The following FTCD variants were observed in gnomAD, a reference collection of about 807,000 sequenced individuals.
FTCD encodes the protein formimidoyltransferase-cyclodeaminase.
Under a neutral mutation model 62.9 loss-of-function variants are expected in FTCD, and 76 were observed. The observed-to-expected ratio is 1.21, with a 90% CI of 1.00 to 1.46. The LOEUF is 1.46. Among genes scored for constraint, FTCD ranks in the 40% most tolerant of loss-of-function variants. FTCD has a pLI of 0.00. For synonymous variants in FTCD, 397 were observed against 336.9 expected (o/e 1.18, Z -1.95); for missense variants, 845 against 751.3 (o/e 1.12, Z -1.46).
At chr21:46,154,050 C>T in intron 2 of FTCD, 99 bp downstream of exon 2, 1 of 1,300,200 alleles carries the variant, frequency 7.7e-7, no homozygotes, top group South Asian at 1.2e-5. Flanking sequence ...ACGTTCCAAG[C>T]CTGGGCCCCG....
intron 10 of FTCD, among the ~76,000 whole-genome samples, chr21:46,140,938 G>C (rs1489015238): frequency 1.3e-5 from 2 of 152,242 alleles, no homozygotes; most frequent in Admixed American, 6.5e-5. Context: ...GTGGCTCACA[G>C]GGAGCGTAAA....
At chr21:46,146,038 G>A in intron 8 of FTCD, 91 bp from the exon 9 acceptor site, 1 of 813,698 alleles carries the variant, frequency 1.2e-6, no homozygotes, top group African/African-American at 1.7e-5. Context: ...ACGCCCGTCT[G>A]CACCCACGGG....
chr21:46,138,859 C>T (rs745903448), intron 11 of FTCD, 21 bp downstream of exon 11: 34 of 1,600,560 alleles, frequency 2.1e-5, no homozygotes, highest in Admixed American at 6.7e-5. Context: ...GCCCACGGTG[C>T]GGCCGGCCCT....
At chr21:46,136,362 G>C, downstream of FTCD, 1 of 1,415,314 alleles carries the variant, frequency 7.1e-7, no homozygotes, top group South Asian at 1.2e-5. Context: ...AGGAGCCACT[G>C]GTTGAAGGGT....
At position 46,155,558 on chromosome 21, in the gene FTCD, C is replaced by A; in HGVS notation, c.-35G>T. 1 of 1,591,678 alleles carries A rather than the reference C, an allele frequency of 6.3e-7. No homozygotes were observed. On this transcript the variant is annotated 5_prime_UTR_variant, in exon 1 of 14. Coordinates refer to ENST00000397746, the MANE Select transcript of FTCD (RefSeq NM_206965.2). ...CTTGATCCAGATGCTCCTCTCTGGG[C>A]AGATGGAAGGACAGGGCCAGTGCTC... is the stretch of plus-strand genomic sequence containing the variant.
chr21:46,136,595 T>A, downstream of FTCD: 4 of 1,535,602 alleles, frequency 2.6e-6, no homozygotes, highest in Non-Finnish European at 3.5e-6. Context: ...CCTGTGACCC[T>A]GCCCACTGTG....
intron 3 of FTCD, 45 bp from the exon 4 acceptor site, chr21:46,152,025 A>C: frequency 7.1e-7 from 1 of 1,402,794 alleles, no homozygotes; most frequent in Admixed American, 2.0e-5. Flanking sequence ...CAGGGGGTCC[A>C]GGACTCAGTT....
rs1184353892 is a variant in FTCD at position 46,150,422 on chromosome 21, T to A, written c.740A>T (p.His247Leu). Residue 247 changes from histidine (H) to leucine (L), a missense_variant, in exon 6 of 14, where the codon CAC becomes CTC. By Grantham distance (99) the His-to-Leu change is moderately conservative. Coordinates refer to ENST00000397746, the MANE Select transcript of FTCD (RefSeq NM_206965.2). ...NLLDFEVTAL[H>L]TVYEETCREA... Reference sequence around the variant, plus strand: ...TCGGCAGGTCTCCTCGTAGACCGTGTGCAGTGCCGTGACCTCAAAGTCCAG... The same window carrying A: ...TCGGCAGGTCTCCTCGTAGACCGTGAGCAGTGCCGTGACCTCAAAGTCCAG... 2.5e-6 allele frequency: 4 copies of A among 1,612,944 alleles called. No individual in the cohort carries two copies. Among genetic ancestry groups the A allele is most frequent in the Non-Finnish European group, 3.4e-6 (4 of 1,179,886 alleles).
Position 46,145,424 on chromosome 21 carries a change from G to C in FTCD, c.1253C>G (p.Ala418Gly), listed in dbSNP as rs1568972465. The C allele has an allele frequency of 6.4e-7, 1 of 1,551,690 alleles. No individual in the cohort carries two copies. Among genetic ancestry groups the C allele is most frequent in the East Asian group, 2.4e-5 (1 of 41,204 alleles). The change falls in exon 10 of 14, where the codon GCC (alanine) becomes GGC (glycine). Residue 418 changes from alanine to glycine, a missense_variant. Ala to Gly is a moderately conservative substitution (Grantham distance 60). Coordinates refer to ENST00000397746, the MANE Select transcript of FTCD (RefSeq NM_206965.2). ...GCTGTGGCCGCCACTCACCAGGTAG[G>C]CGGTGAAGGCCTCGGCGTCGGCATC... ...LVDADAEAFT[A>G]YLEAMRLPKN...
chr21:46,144,085 G>A (rs2079073607), intron 10 of FTCD, among the ~76,000 whole-genome samples: 1 of 151,940 alleles, frequency 6.6e-6, no homozygotes, highest in South Asian at 2.1e-4. Context: ...CTACCTAACA[G>A]GGAAGGGGCC....
At chr21:46,146,189 G>T (rs1054678991) in intron 8 of FTCD, 77 bp downstream of exon 8, 3 of 1,061,136 alleles carry the variant, frequency 2.8e-6, no homozygotes, top group Non-Finnish European at 4.3e-6. Context: ...TCTCCACGCA[G>T]GGACCCCAGC....
intron 8 of FTCD, 151 bp from the exon 9 acceptor site, chr21:46,146,098 T>C: frequency 1.4e-6 from 1 of 719,576 alleles, no homozygotes; most frequent in Non-Finnish European, 2.3e-6. Context: ...GGGGTCTCTG[T>C]GCCCCCCTCA....
In FTCD at chr21:46,137,361, A is replaced by G. The variant is rs35273895; in HGVS notation, c.1444-27T>C. ...TGCAAGGACCCCAGGGAGCCCCTACATGGATCAAGGCTGAGCAAACTGCCG... is the reference window on the plus strand; with the variant it reads ...TGCAAGGACCCCAGGGAGCCCCTACGTGGATCAAGGCTGAGCAAACTGCCG... On this transcript the variant is annotated intron_variant, in intron 12 of 13. Coordinates refer to ENST00000397746, the MANE Select transcript of FTCD (RefSeq NM_206965.2). 444 of 1,554,008 alleles carry G rather than the reference A, an allele frequency of 2.9e-4. 1 individual carries two copies. The highest frequency in any genetic ancestry group is 3.8e-4 in the Non-Finnish European group (425 of 1,127,130).
Position 46,150,787 on chromosome 21 carries a change from C to T in FTCD, c.637-262G>A, listed in dbSNP as rs764572494. On this transcript the variant is annotated intron_variant, in intron 5 of 13. Coordinates refer to ENST00000397746, the MANE Select transcript of FTCD (RefSeq NM_206965.2). ...CCCGCCCAGCCTAGGCCCTGCCTTC[C>T]AGCCACGCTGTGTCCTAGATGTTGG... Among the ~76,000 whole-genome samples, 167 of 152,382 alleles carry T rather than the reference C, an allele frequency of 1.1e-3. 1 individual carries two copies. Among genetic ancestry groups the T allele is most frequent in the Middle Eastern group, 3.4e-3 (1 of 294 alleles).
chr21:46,141,575 G>T (rs1202217477), intron 10 of FTCD, among the ~76,000 whole-genome samples: 1 of 151,882 alleles, frequency 6.6e-6, no homozygotes, highest in Admixed American at 6.6e-5. Context: ...TGTGATACAA[G>T]ACCCAAAAAA....
chr21:46,148,227 C>T (rs2079192983), intron 7 of FTCD, among the ~76,000 whole-genome samples: 1 of 152,146 alleles, frequency 6.6e-6, no homozygotes, highest in East Asian at 1.9e-4. Flanking sequence ...AGGGGGTCGC[C>T]TTGGCAAGTG....
chr21:46,137,454 C>T (rs1002315981), intron 12 of FTCD, 120 bp from the exon 13 acceptor site: 3 of 797,704 alleles, frequency 3.8e-6, no homozygotes, highest in Admixed American at 3.7e-5. Flanking sequence ...ACAAGGAGCC[C>T]AGCGCAGCCC....
In FTCD at chr21:46,150,108, G is replaced by T. The variant is rs755213661; in HGVS notation, c.906+11C>A. The T allele has an allele frequency of 1.4e-6, 2 of 1,481,326 alleles. No homozygotes were observed. Among genetic ancestry groups the T allele is most frequent in the Non-Finnish European group, 1.8e-6 (2 of 1,099,398 alleles). 91.8% of individuals were successfully genotyped at this position (1,481,326 alleles called of 1,614,324 possible). Reference sequence around the variant, plus strand: ...GCCCCTGTCCGACCCTTCCTCGGCAGCCCGGCCCACCAGCCTGATCCGCTG... The same window carrying T: ...GCCCCTGTCCGACCCTTCCTCGGCATCCCGGCCCACCAGCCTGATCCGCTG... On this transcript the variant is annotated intron_variant, in intron 7 of 13. Coordinates refer to ENST00000397746, the MANE Select transcript of FTCD (RefSeq NM_206965.2).
intron 10 of FTCD, among the ~76,000 whole-genome samples, chr21:46,145,174 C>A (rs1312923448): frequency 2.0e-5 from 3 of 152,200 alleles, no homozygotes; most frequent in African/African-American, 7.2e-5. Flanking sequence ...GTACCGGCTG[C>A]CATGGCCTGT....
Sources: allele counts gnomAD v4.1 joint callset (sites outside exome capture counted in the v4.1 genomes callset), GRCh38; gene constraint gnomAD v4.1.1; transcripts MANE v1.5; gene names NCBI Gene and HGNC (gene_info 2026-07-23, HGNC 2026-07-21).